Variants in PRELID2 observed in about 807,000 individuals in gnomAD.
PRELID2 encodes PRELI domain containing 2.
In PRELID2, 25 loss-of-function variants were observed where a neutral mutation model predicts 28.4. The observed-to-expected ratio is 0.88, with a 90% CI of 0.64 to 1.23. The LOEUF (loss-of-function observed/expected upper bound fraction) is 1.23, where lower values mean the gene tolerates loss of function less well. Ranked by LOEUF, PRELID2 falls within the 50% of genes most tolerant of loss-of-function variation. The pLI is 0.00. For synonymous variants in PRELID2, 76 were observed against 71.6 expected, an observed-to-expected ratio of 1.06 and a Z score of -0.31; for missense variants, 201 against 214.4, an observed-to-expected ratio of 0.94 and a Z score of 0.39.
chr5:145,341,771 A>G, the PRELID2 span, among the ~76,000 whole-genome samples: 1 of 152,200 alleles, frequency 6.6e-6, no homozygotes, highest in Non-Finnish European at 1.5e-5. Flanking sequence ...ACATAATGCA[A>G]CCAAATATTT....
intron 5 of PRELID2, among the ~76,000 whole-genome samples, chr5:145,780,061 C>G (rs1281310020): frequency 6.6e-6 from 1 of 152,138 alleles, no homozygotes; most frequent in African/African-American, 2.4e-5. Context: ...GCCCATAATC[C>G]CAGCACTTTG....
chr5:145,623,634 T>C (rs1013400871), intron 1 of PRELID2, among the ~76,000 whole-genome samples: 2 of 150,860 alleles, frequency 1.3e-5, no homozygotes, highest in Non-Finnish European at 2.9e-5. Context: ...GGTAGGTAGA[T>C]AGGTAGGTAG....
At chr5:145,310,865 T>C in the PRELID2 span, among the ~76,000 whole-genome samples, 5 of 152,294 alleles carry the variant, frequency 3.3e-5, no homozygotes, top group African/African-American at 1.2e-4. Flanking sequence ...CCCTTTTTTT[T>C]TTCAAACTTT....
At chr5:145,416,058 T>C in the PRELID2 span, among the ~76,000 whole-genome samples, 1 of 152,118 alleles carries the variant, frequency 6.6e-6, no homozygotes, top group Non-Finnish European at 1.5e-5. Flanking sequence ...TTCATGTGTC[T>C]TTTGGCTGCA....
At chr5:145,229,294 C>A in the PRELID2 span, 5 of 750,738 alleles carry the variant, frequency 6.7e-6, no homozygotes, top group Non-Finnish European at 9.9e-6. Context: ...GCCGCAGTGA[C>A]CTGATGGAAT....
At chr5:145,599,054 C>G (rs56839506) in intron 1 of PRELID2, among the ~76,000 whole-genome samples, 29,366 of 152,066 alleles carry the variant, frequency 0.19, 5,023 homozygotes, top group African/African-American at 0.45. Context: ...TTCAACTAAT[C>G]ATGGACCCCA....
At chr5:145,651,768 C>A (rs1477898681) in intron 1 of PRELID2, among the ~76,000 whole-genome samples, 1 of 152,164 alleles carries the variant, frequency 6.6e-6, no homozygotes, top group African/African-American at 2.4e-5. Flanking sequence ...TCACCATCAT[C>A]AAAGACCAAG....
chr5:145,499,382 CCTCT>C (rs1364151157), intron 1 of PRELID2, among the ~76,000 whole-genome samples: 2 of 152,118 alleles, frequency 1.3e-5, no homozygotes, highest in Non-Finnish European at 2.9e-5. Flanking sequence ...TAGTGATTTT[CCTCT>C]CTATCTTTTT....
the PRELID2 span, among the ~76,000 whole-genome samples, chr5:145,296,406 T>C: frequency 7.0e-6 from 1 of 143,836 alleles, no homozygotes; most frequent in Non-Finnish European, 1.5e-5. Context: ...GTGTTCTCAT[T>C]GTTCAATTCC....
At chr5:145,350,279 T>C in the PRELID2 span, among the ~76,000 whole-genome samples, 2 of 152,216 alleles carry the variant, frequency 1.3e-5, no homozygotes, top group African/African-American at 2.4e-5. Context: ...AAATGAGGCA[T>C]AGACTATCAG....
At chr5:145,522,052 C>CA (rs1184256426) in intron 1 of PRELID2, among the ~76,000 whole-genome samples, 1 of 151,930 alleles carries the variant, frequency 6.6e-6, no homozygotes, top group African/African-American at 2.4e-5. Context: ...AAAAATATAA[C>CA]AAAAAATAGA....
chr5:145,264,918 G>A, the PRELID2 span, among the ~76,000 whole-genome samples: 1 of 140,522 alleles, frequency 7.1e-6, no homozygotes, highest in Non-Finnish European at 1.5e-5. Context: ...AGGTTGCAGT[G>A]AGTCAAGATC....
At chr5:145,447,352 C>T in the PRELID2 span, among the ~76,000 whole-genome samples, 1 of 151,640 alleles carries the variant, frequency 6.6e-6, no homozygotes, top group Non-Finnish European at 1.5e-5. Flanking sequence ...TTTTCTTCTC[C>T]GTTACATGAA....
chr5:145,799,025 A>AATATATATATATAT lies in PRELID2; in HGVS notation c.369-2492_369-2479dup, dbSNP rs532556100. Reference sequence around the variant, plus strand: ...TACCCTAGAACTTAAAGTATAATAAAATATATATATATATATAAAAGACTC... The same window carrying AATATATATATATAT: ...TACCCTAGAACTTAAAGTATAATAAAATATATATATATATATATATATATATATATAAAAGACTC... On this transcript the variant is annotated intron_variant, in intron 4 of 6. Transcript: ENST00000683046. Among the ~76,000 whole-genome samples the AATATATATATATAT allele has an allele frequency of 9.3e-3, 1,380 of 147,914 alleles. 29 individuals are homozygous for AATATATATATATAT. The highest frequency in any genetic ancestry group is 0.032 in the African/African-American group (1,294 of 40,064).
intron 1 of PRELID2, among the ~76,000 whole-genome samples, chr5:145,722,607 T>G (rs1236119260): frequency 6.6e-6 from 1 of 152,146 alleles, no homozygotes; most frequent in Non-Finnish European, 1.5e-5. Context: ...CAAGCGATTC[T>G]CCTGCCTCAG....
the PRELID2 span, among the ~76,000 whole-genome samples, chr5:145,302,521 C>A: frequency 1.3e-5 from 2 of 151,578 alleles, no homozygotes; most frequent in South Asian, 2.1e-4. Context: ...TTATTTTTTA[C>A]CTTTTTGAAT....
Position 145,615,481 on chromosome 5 carries a change from C to G in PRELID2, n.71-142166G>C, listed in dbSNP as rs567306871. On this transcript the variant is annotated intron_variant and non_coding_transcript_variant, in intron 1 of 2. Coordinates refer to the PRELID2 transcript ENST00000510259. ...AGCTGGGACTACAGGTGCCCGCCAC[C>G]TCGCCCGGCTAATTTTTTGTATTTT... Among the ~76,000 whole-genome samples, 213 of 143,568 alleles carry G rather than the reference C, an allele frequency of 1.5e-3. 33 individuals carry two copies. The highest frequency in any genetic ancestry group is 5.7e-3 in the African/African-American group (207 of 36,396). The allele number at this position is 143,568 out of a possible 152,430, so 94.2% of individuals were successfully genotyped here. A position where few individuals can be genotyped will look rare whatever the true frequency, so the allele number is the denominator to read the frequency against.
At chr5:145,409,519 G>A in the PRELID2 span, among the ~76,000 whole-genome samples, 1 of 151,942 alleles carries the variant, frequency 6.6e-6, no homozygotes, top group South Asian at 2.1e-4. Context: ...AAGGCAAAGG[G>A]GTGGAAAAAG....
chr5:145,508,818 A>C (rs1456092806), intron 1 of PRELID2, among the ~76,000 whole-genome samples: 1 of 152,194 alleles, frequency 6.6e-6, no homozygotes, highest in Non-Finnish European at 1.5e-5. Flanking sequence ...GTGGGAACAG[A>C]ATGGTGGACC....
Sources: gnomAD v4.1 joint callset for allele counts (sites outside exome capture counted in the v4.1 genomes callset) on GRCh38, gnomAD v4.1.1 for gene constraint, MANE v1.5 for transcripts, NCBI Gene and HGNC (gene_info 2026-07-23, HGNC 2026-07-21) for gene names.